Variants in SLC6A20 observed in about 807,000 individuals in gnomAD.
SLC6A20 encodes the protein solute carrier family 6 member 20.
SLC6A20 carries 73 observed loss-of-function variants against 64.3 expected under a neutral mutation model. The observed-to-expected ratio is 1.14, with a 90% CI of 0.94 to 1.38. The LOEUF is 1.38. SLC6A20 is among the 40% of genes most tolerant of loss of function. The pLI is 0.00. For synonymous variants in SLC6A20, 347 were observed against 329.6 expected (o/e 1.05, Z -0.57); for missense variants, 725 against 772.8 (o/e 0.94, Z 0.73).
In SLC6A20 at chr3:45,780,120, C is replaced by G. The variant is rs376576555; in HGVS notation, c.263-20G>C. 8 of 1,569,692 alleles carry G rather than the reference C, an allele frequency of 5.1e-6. No individual in the cohort carries two copies. The highest frequency in any genetic ancestry group is 1.9e-5 in the Admixed American group (1 of 53,652). ...CGACCCCTGCGAGGAAGCAGAGGGC[C>G]GCGCTGAGGACTGAGGATGGCCCTT... is the stretch of plus-strand genomic sequence containing the variant. On this transcript the variant is annotated intron_variant, in intron 2 of 10. Transcript: ENST00000358525.
At position 45,755,857 on chromosome 3, in the gene SLC6A20, C is replaced by A. The variant is rs1699531018; in HGVS notation, c.*3121G>T. The A allele has an allele frequency of 6.6e-6, 1 of 152,550 alleles. No homozygotes were observed. Among genetic ancestry groups the A allele is most frequent in the African/African-American group, 2.4e-5 (1 of 41,436 alleles). The allele number at this position is 152,550 out of a possible 1,614,324, so 9.4% of individuals were successfully genotyped here. A position where few individuals can be genotyped will look rare whatever the true frequency, so the allele number is the denominator to read the frequency against. On this transcript the variant is annotated 3_prime_UTR_variant, in exon 11 of 11. Coordinates refer to ENST00000358525, the MANE Select transcript of SLC6A20 (RefSeq NM_020208.4). ...CAGTGGTGCTTCATCTGTTTGAGTTCCATGAGCAAAAACTATTCCGTAGAA... is the reference window on the plus strand; with the variant it reads ...CAGTGGTGCTTCATCTGTTTGAGTTACATGAGCAAAAACTATTCCGTAGAA...
At chr3:45,780,199 C>A in intron 2 of SLC6A20, 99 bp from the exon 3 acceptor site, 3 of 1,174,738 alleles carry the variant, frequency 2.6e-6, no homozygotes, top group Non-Finnish European at 2.4e-6. Flanking sequence ...GGCGACCGCC[C>A]CGGGGTGGGC....
intron 7 of SLC6A20, among the ~76,000 whole-genome samples, chr3:45,769,919 G>A (rs529912756): frequency 6.6e-6 from 1 of 152,196 alleles, no homozygotes; most frequent in Admixed American, 6.5e-5. Context: ...GGTATATATG[G>A]GTGTTTGTTA....
At chr3:45,763,273 C>T (rs575746125) in intron 8 of SLC6A20, among the ~76,000 whole-genome samples, 17 of 152,028 alleles carry the variant, frequency 1.1e-4, no homozygotes, top group African/African-American at 3.9e-4. Context: ...AATGGTGTCC[C>T]GAAGCGTGTT....
At chr3:45,772,643 C>G in intron 4 of SLC6A20, 28 bp from the exon 5 acceptor site, 1 of 1,591,074 alleles carries the variant, frequency 6.3e-7, no homozygotes, top group Non-Finnish European at 8.6e-7. Context: ...CAGAGTTGGC[C>G]TCCCGGAGCA....
intron 7 of SLC6A20, among the ~76,000 whole-genome samples, chr3:45,766,374 G>T (rs1373097515): frequency 6.6e-6 from 1 of 152,236 alleles, no homozygotes; most frequent in Non-Finnish European, 1.5e-5. Flanking sequence ...CCCCCACCCG[G>T]TTTAGATGCA....
chr3:45,760,045 A>C, intron 9 of SLC6A20, 23 bp from the exon 10 acceptor site: 2 of 1,600,282 alleles, frequency 1.2e-6, no homozygotes, highest in South Asian at 2.2e-5. Flanking sequence ...CAGGGAGAGA[A>C]AGTCTGGATT....
chr3:45,792,292 T>C (rs1700267893), intron 1 of SLC6A20, among the ~76,000 whole-genome samples: 1 of 152,196 alleles, frequency 6.6e-6, no homozygotes, highest in Admixed American at 6.5e-5. Flanking sequence ...TGCAGGGTGC[T>C]GGGGAGAGAG....
chr3:45,787,770 G>A (rs769364576), intron 1 of SLC6A20, among the ~76,000 whole-genome samples: 9 of 152,166 alleles, frequency 5.9e-5, no homozygotes, highest in Non-Finnish European at 1.3e-4. Context: ...GGTAGAGATG[G>A]GATCTGCATG....
At chr3:45,776,316 C>T (rs182437492) in intron 3 of SLC6A20, among the ~76,000 whole-genome samples, 14 of 152,236 alleles carry the variant, frequency 9.2e-5, no homozygotes, top group South Asian at 6.2e-4. Context: ...GATGGAACTC[C>T]GACCCACGGC....
chr3:45,770,080 G>T (rs1227166044), intron 7 of SLC6A20, 129 bp downstream of exon 7: 3 of 1,224,834 alleles, frequency 2.4e-6, no homozygotes, highest in African/African-American at 1.5e-5. Flanking sequence ...CCTTGGAGTT[G>T]CAGGAAAAGT....
At chr3:45,791,911 G>A (rs1399334031) in intron 1 of SLC6A20, among the ~76,000 whole-genome samples, 1 of 152,200 alleles carries the variant, frequency 6.6e-6, no homozygotes, top group Non-Finnish European at 1.5e-5. Flanking sequence ...TTTGGGTGGG[G>A]ACCAAACTCA....
Position 45,796,303 on chromosome 3 carries a change from G to C in SLC6A20, c.117C>G (p.Gly39=). ...CGGGGCGCGGTGGGCACTCACCTCC[G>C]CCGTACATCTGGCACAGGTACGGGA... is the stretch of plus-strand genomic sequence containing the variant. The part of the protein sequence containing the change: ...WRFPYLCQMY[G]GGSFLVPYII... The change falls in exon 1 of 11, where the codon GGC becomes GGG. Residue 39 remains glycine, a synonymous_variant. Transcript: ENST00000358525. 1 of 1,606,530 alleles carries C rather than the reference G, an allele frequency of 6.2e-7. No individual in the cohort carries two copies. The highest frequency in any genetic ancestry group is 8.5e-7 in the Non-Finnish European group (1 of 1,176,864).
rs771726231 is a variant in SLC6A20, at chr3:45,765,702, C to T, written c.1138G>A (p.Glu380Lys). 3 of 1,614,218 alleles carry T rather than the reference C, an allele frequency of 1.9e-6. No homozygotes were observed. In the Admixed American group the frequency reaches 5.0e-5, roughly 27 times the overall value. ...GTGLAFIVYT[E>K]AIKNMEVSQL... ...GACACCTCCATGTTTTTAATGGCCT[C>T]TGTGTAGACGATGAATGCCAGGCCA... Residue 380 changes from glutamate (E) to lysine (K), a missense_variant, in exon 8 of 11, where the codon GAG (glutamate) becomes AAG (lysine). Transcript: ENST00000358525. The surrounding 1 kb of genome is among the most constrained non-coding windows in gnomAD (Gnocchi z 4.2).
At chr3:45,786,961 A>T (rs1575436961) in intron 1 of SLC6A20, among the ~76,000 whole-genome samples, 2 of 152,110 alleles carry the variant, frequency 1.3e-5, no homozygotes, top group African/African-American at 4.8e-5. Flanking sequence ...CTTACTCATC[A>T]CCACCTCCCT....
At chr3:45,788,140 C>A (rs1297507186) in intron 1 of SLC6A20, among the ~76,000 whole-genome samples, 1 of 151,786 alleles carries the variant, frequency 6.6e-6, no homozygotes, top group Admixed American at 6.6e-5. Flanking sequence ...GAGATGGGGT[C>A]TCACTATGTT....
At chr3:45,792,636 T>G (rs1307409112) in intron 1 of SLC6A20, among the ~76,000 whole-genome samples, 3 of 152,154 alleles carry the variant, frequency 2.0e-5, no homozygotes, top group Non-Finnish European at 2.9e-5. Flanking sequence ...ACTGACCTGC[T>G]GTGAATCAGT....
intron 1 of SLC6A20, among the ~76,000 whole-genome samples, chr3:45,791,187 G>A (rs756483566): frequency 7.9e-5 from 12 of 152,272 alleles, no homozygotes; most frequent in South Asian, 4.1e-4. Context: ...TTCCGTCAGC[G>A]TAGTCCCTGG....
chr3:45,783,876 G>T (rs1048964095), intron 1 of SLC6A20, among the ~76,000 whole-genome samples: 3 of 152,178 alleles, frequency 2.0e-5, no homozygotes, highest in Admixed American at 2.0e-4. Context: ...TCAGAACCTT[G>T]TTTCAGCACC....
Sources: allele counts gnomAD v4.1 joint callset (sites outside exome capture counted in the v4.1 genomes callset), GRCh38; gene constraint gnomAD v4.1.1; non-coding constraint Gnocchi (gnomAD v3.1); transcripts MANE v1.5; gene names NCBI Gene and HGNC (gene_info 2026-07-23, HGNC 2026-07-21).